Variants in C1orf185 observed in about 807,000 individuals in gnomAD.
C1orf185 encodes uncharacterized protein C1orf185.
A neutral mutation model predicts 16.1 loss-of-function variants in C1orf185; 13 were observed. The observed-to-expected ratio is 0.81, with a 90% CI of 0.53 to 1.28. The LOEUF is 1.28. Among genes scored for constraint, C1orf185 ranks in the 50% most tolerant of loss-of-function variants. The pLI is 0.00. For missense variants in C1orf185, 220 were observed against 225.2 expected (o/e 0.98, Z 0.15); for synonymous variants, 80 against 76.9 (o/e 1.04, Z -0.21).
chr1:51,147,319 T>C (rs993685111), intron 4 of C1orf185, 148 bp from the exon 5 acceptor site: 3 of 604,454 alleles, frequency 5.0e-6, no homozygotes, highest in African/African-American at 1.9e-5. Context: ...CATGAAAATA[T>C]TGCTAATTCC....
chr1:51,142,225 A>T (rs957096807), intron 3 of C1orf185, among the ~76,000 whole-genome samples: 1 of 152,156 alleles, frequency 6.6e-6, no homozygotes, highest in African/African-American at 2.4e-5. Context: ...TTAGTACAGG[A>T]TCCAGCCTAG....
intron 3 of C1orf185, among the ~76,000 whole-genome samples, chr1:51,131,161 C>T (rs1299300528): frequency 6.6e-6 from 1 of 152,222 alleles, no homozygotes; most frequent in African/African-American, 2.4e-5. Context: ...CCTTGGCCTC[C>T]CAAAGTGCTG....
intron 1 of C1orf185, among the ~76,000 whole-genome samples, chr1:51,108,953 G>A (rs1646093455): frequency 2.0e-5 from 3 of 152,138 alleles, no homozygotes; most frequent in Admixed American, 2.0e-4. Context: ...TGGAATTGCT[G>A]AATCACGTGG....
chr1:51,139,172 A>G (rs1018254599), intron 3 of C1orf185, among the ~76,000 whole-genome samples: 2 of 150,954 alleles, frequency 1.3e-5, no homozygotes, highest in Non-Finnish European at 2.9e-5. Flanking sequence ...GTGTGATTAT[A>G]GCTCACTATA....
Position 51,147,590 on chromosome 1 carries a change from C to T in C1orf185, c.419C>T (p.Ser140Phe). 6.4e-7 allele frequency: 1 copy of T among 1,551,612 alleles called. No individual in the cohort carries two copies. Among genetic ancestry groups the T allele is most frequent in the Non-Finnish European group, 8.7e-7 (1 of 1,146,944 alleles). The change falls in exon 5 of 5, where the codon TCT becomes TTT. Residue 140 changes from serine to phenylalanine, a missense_variant. By Grantham distance (155) the Ser-to-Phe change is radical (BLOSUM62 -2). Transcript: ENST00000371759. ...ACATTAAGCTTATCAACATTACCAT[C>T]TGATTCTTATTACAGCCAAAGTATA... ...SVTLSLSTLP[S>F]DSYYSQSIEA... is the part of the protein sequence containing the mutation.
rs536911327 is a variant in C1orf185 at position 51,112,447 on chromosome 1, G to A, written c.17-17G>A. ...AAATACATGCATGAAATAATCTTTT[G>A]TAATTTGTTTGTATAGGTTTTTTTA... On this transcript the variant is annotated splice_polypyrimidine_tract_variant and intron_variant, in intron 1 of 4. Coordinates refer to ENST00000371759, the MANE Select transcript of C1orf185 (RefSeq NM_001136508.2). 3.3e-6 allele frequency: 5 copies of A among 1,507,456 alleles called. No homozygotes were observed. The African/African-American group carries it at 5.6e-5, about 17-fold the overall frequency. The allele number at this position is 1,507,456 out of a possible 1,614,324, so 93.4% of individuals were successfully genotyped here. A position where few individuals can be genotyped will look rare whatever the true frequency, so the allele number is the denominator to read the frequency against.
chr1:51,134,616 C>T (rs2148026724), intron 3 of C1orf185, among the ~76,000 whole-genome samples: 1 of 151,966 alleles, frequency 6.6e-6, no homozygotes, highest in Non-Finnish European at 1.5e-5. Flanking sequence ...GCTAGACTAA[C>T]ATAGAGGAAA....
At chr1:51,136,649 G>A (rs866391386) in intron 3 of C1orf185, among the ~76,000 whole-genome samples, 8 of 152,082 alleles carry the variant, frequency 5.3e-5, no homozygotes, top group African/African-American at 1.7e-4. Flanking sequence ...AACAAGCAAT[G>A]GGGGAAGAAT....
intron 3 of C1orf185, among the ~76,000 whole-genome samples, chr1:51,138,018 A>G (rs1269449192): frequency 6.6e-6 from 1 of 152,180 alleles, no homozygotes; most frequent in Admixed American, 6.5e-5. Context: ...ACATGGACAC[A>G]TAGAGGGGAA....
chr1:51,109,215 G>A (rs895829432), intron 1 of C1orf185, among the ~76,000 whole-genome samples: 84 of 152,078 alleles, frequency 5.5e-4, no homozygotes, highest in African/African-American at 1.8e-3. Context: ...TCATTTGTAC[G>A]TCCTTTGAGA....
intron 3 of C1orf185, among the ~76,000 whole-genome samples, chr1:51,123,720 T>C (rs1236691408): frequency 6.6e-6 from 1 of 152,164 alleles, no homozygotes; most frequent in Non-Finnish European, 1.5e-5. Context: ...AAATGTGTAG[T>C]GGTATCTCAT....
intron 1 of C1orf185, among the ~76,000 whole-genome samples, chr1:51,106,781 C>A (rs1403117681): frequency 7.2e-6 from 1 of 139,780 alleles, no homozygotes; most frequent in South Asian, 2.2e-4. Flanking sequence ...TTTTTTGAGA[C>A]AGAGTCTTGC....
chr1:51,131,561 C>G (rs142811528), intron 3 of C1orf185, among the ~76,000 whole-genome samples: 90 of 151,722 alleles, frequency 5.9e-4, no homozygotes, highest in African/African-American at 2.2e-3. Flanking sequence ...ATCATTTGAG[C>G]CCAGGAGTTT....
intron 3 of C1orf185, among the ~76,000 whole-genome samples, chr1:51,136,742 C>T (rs768161886): frequency 1.3e-5 from 2 of 152,002 alleles, no homozygotes; most frequent in Admixed American, 6.6e-5. Context: ...ATATCATGTA[C>T]AAAAATTAAC....
rs901984321 is a variant in C1orf185 at position 51,148,056 on chromosome 1, A to G, written c.*285A>G. The G allele has an allele frequency of 1.2e-5, 3 of 254,512 alleles. No homozygotes were observed. The highest frequency in any genetic ancestry group is 1.3e-3 in the Middle Eastern group (1 of 782). 15.8% of individuals were successfully genotyped at this position (254,512 alleles called of 1,614,324 possible). A position where few individuals can be genotyped will look rare whatever the true frequency, so the allele number is the denominator to read the frequency against. ...AACTTATTGTATCTCATCCAAAGAC[A>G]TATTAAATAAAATGAGTGTATGTCA... On this transcript the variant is annotated 3_prime_UTR_variant, in exon 5 of 5. Coordinates refer to ENST00000371759, the MANE Select transcript of C1orf185 (RefSeq NM_001136508.2).
chr1:51,113,757 A>ATATATAAAAT (rs1646139922), intron 2 of C1orf185, among the ~76,000 whole-genome samples: 1 of 152,194 alleles, frequency 6.6e-6, no homozygotes, highest in African/African-American at 2.4e-5. Flanking sequence ...TATAAATTGT[A>ATATATAAAAT]ACATAATCTT....
chr1:51,146,001 A>ATTAT (rs1646396573), intron 4 of C1orf185, among the ~76,000 whole-genome samples: 1 of 152,238 alleles, frequency 6.6e-6, no homozygotes, highest in Non-Finnish European at 1.5e-5. Flanking sequence ...TTGTACTCAA[A>ATTAT]GGTATCATAG....
chr1:51,139,658 A>C (rs1301102230), intron 3 of C1orf185, among the ~76,000 whole-genome samples: 1 of 152,196 alleles, frequency 6.6e-6, no homozygotes, highest in Non-Finnish European at 1.5e-5. Flanking sequence ...TTTATATGAA[A>C]TACAATATAA....
Position 51,143,034 on chromosome 1 carries a change from G to A in C1orf185, c.259-2690G>A, listed in dbSNP as rs112463430. Among the ~76,000 whole-genome samples, 821 of 152,224 alleles carry A rather than the reference G, an allele frequency of 5.4e-3. 8 individuals are homozygous for A. Among genetic ancestry groups the A allele is most frequent in the African/African-American group, 0.019 (804 of 41,536 alleles). On this transcript the variant is annotated intron_variant, in intron 3 of 4. Coordinates refer to ENST00000371759, the MANE Select transcript of C1orf185 (RefSeq NM_001136508.2). ...CTGCCTCAGCCTCCCAAAGTACTAGGATTACAGATGTGAGCCACCGTGCCC... is the reference window on the plus strand; with the variant it reads ...CTGCCTCAGCCTCCCAAAGTACTAGAATTACAGATGTGAGCCACCGTGCCC...
Sources: gnomAD v4.1 joint callset for allele counts (sites outside exome capture counted in the v4.1 genomes callset) on GRCh38, gnomAD v4.1.1 for gene constraint, MANE v1.5 for transcripts, NCBI Gene and HGNC (gene_info 2026-07-23, HGNC 2026-07-21) for gene names.